The following PRKG1 variants were observed in gnomAD, a reference collection of about 807,000 sequenced individuals.
PRKG1 encodes protein kinase cGMP-dependent 1.
PRKG1 carries 35 observed loss-of-function variants against 88.1 expected under a neutral mutation model. The observed-to-expected ratio is 0.40, with a 90% confidence interval of 0.30 to 0.53. The LOEUF is 0.53. Ranked by LOEUF, PRKG1 falls within the 20% of genes least tolerant of loss-of-function variation. The pLI is 0.59. For synonymous variants in PRKG1, 303 were observed against 292.5 expected (o/e 1.04, Z -0.37); for missense variants, 540 against 839.8 (o/e 0.64, Z 4.41).
At chr10:51,478,395 C>T (rs867179520) in intron 3 of PRKG1, among the ~76,000 whole-genome samples, 1 of 152,022 alleles carries the variant, frequency 6.6e-6, no homozygotes, top group Non-Finnish European at 1.5e-5. Flanking sequence ...CTGGGTAAAG[C>T]TGCTGGTGAT....
chr10:52,156,364 T>C (rs561175057), intron 8 of PRKG1, among the ~76,000 whole-genome samples: 2 of 152,102 alleles, frequency 1.3e-5, no homozygotes, highest in Admixed American at 1.3e-4. Flanking sequence ...ATTATAAGTC[T>C]TTGTGTCTTA....
intron 3 of PRKG1, among the ~76,000 whole-genome samples, chr10:51,471,945 A>G (rs1840059793): frequency 6.6e-6 from 1 of 151,946 alleles, no homozygotes; most frequent in Admixed American, 6.6e-5. Flanking sequence ...TATCTGACTA[A>G]TTATTTCTCC....
intron 1 of PRKG1, among the ~76,000 whole-genome samples, chr10:51,122,896 A>G (rs564358551): frequency 6.6e-6 from 1 of 152,320 alleles, no homozygotes; most frequent in East Asian, 1.9e-4. Context: ...ACTAGGTTCA[A>G]TTTTAGGCTT....
chr10:51,437,177 T>C (rs1564494438), intron 2 of PRKG1, among the ~76,000 whole-genome samples: 1 of 152,030 alleles, frequency 6.6e-6, no homozygotes, highest in Admixed American at 6.6e-5. Context: ...AATGTAGTAG[T>C]GTGATGAGAA....
At chr10:52,101,655 G>A (rs1004180925) in intron 7 of PRKG1, among the ~76,000 whole-genome samples, 1 of 152,090 alleles carries the variant, frequency 6.6e-6, no homozygotes, top group Non-Finnish European at 1.5e-5. Context: ...AACCCTATGA[G>A]GTAGATGGTT....
In PRKG1 at chr10:51,697,954, G is replaced by A. The variant is rs772270141; in HGVS notation, c.593-106631G>A. The A allele has an allele frequency of 1.9e-6, 3 of 1,598,774 alleles. No homozygotes were observed. In the Admixed American group the frequency reaches 5.3e-5, roughly 28 times the overall value. ...CTCCTTGTATACTGACTCCTTGTATGCCTGCCCCCTGCATCCCTCCTCCTT... is the reference window on the plus strand; with the variant it reads ...CTCCTTGTATACTGACTCCTTGTATACCTGCCCCCTGCATCCCTCCTCCTT... On this transcript the variant is annotated intron_variant, in intron 3 of 17. Transcript: ENST00000373980.
At chr10:51,337,643 G>GA (rs1292204730) in intron 2 of PRKG1, among the ~76,000 whole-genome samples, 2 of 152,016 alleles carry the variant, frequency 1.3e-5, no homozygotes, top group African/African-American at 2.4e-5. Flanking sequence ...ACAAACATAT[G>GA]AAAAAAAGCT....
chr10:51,546,291 TTC>T (rs1158602748), intron 3 of PRKG1, among the ~76,000 whole-genome samples: 2 of 152,098 alleles, frequency 1.3e-5, no homozygotes, highest in East Asian at 3.9e-4. Context: ...TTAATTTTTT[TTC>T]TGAGTGACTA....
chr10:52,148,766 G>A (rs889861708), intron 8 of PRKG1, among the ~76,000 whole-genome samples: 2 of 152,020 alleles, frequency 1.3e-5, no homozygotes, highest in Non-Finnish European at 2.9e-5. Context: ...GATGGGACCT[G>A]GAAAGAGACC....
At chr10:51,391,298 C>A (rs994776976) in intron 2 of PRKG1, among the ~76,000 whole-genome samples, 4 of 152,134 alleles carry the variant, frequency 2.6e-5, no homozygotes, top group Non-Finnish European at 2.9e-5. Context: ...CAAAAGAATT[C>A]ACATATTGTG....
intron 3 of PRKG1, among the ~76,000 whole-genome samples, chr10:51,795,848 T>C (rs1838997134): frequency 6.6e-6 from 1 of 152,110 alleles, no homozygotes. Flanking sequence ...TCTGGTCTAT[T>C]TAGAAAAAGT....
chr10:52,076,417 C>G (rs1294282456), intron 7 of PRKG1, among the ~76,000 whole-genome samples: 1 of 152,148 alleles, frequency 6.6e-6, no homozygotes, highest in African/African-American at 2.4e-5. Context: ...ATTAGTTGGG[C>G]ATGGTGGTGT....
chr10:51,281,676 G>A (rs1303431357), intron 2 of PRKG1, among the ~76,000 whole-genome samples: 1 of 152,192 alleles, frequency 6.6e-6, no homozygotes, highest in Non-Finnish European at 1.5e-5. Context: ...AGACTTAAGT[G>A]TCCCTGTCTG....
At chr10:52,031,989 A>AGG (rs1171260534) in intron 5 of PRKG1, among the ~76,000 whole-genome samples, 1 of 151,804 alleles carries the variant, frequency 6.6e-6, no homozygotes. Flanking sequence ...GTAGAGGGAG[A>AGG]GGGGGTATTT....
intron 8 of PRKG1, among the ~76,000 whole-genome samples, chr10:52,159,726 A>C (rs1838229293): frequency 6.6e-6 from 1 of 151,832 alleles, no homozygotes; most frequent in Non-Finnish European, 1.5e-5. Flanking sequence ...TATCCTGTTT[A>C]AAGTGTCCTT....
At chr10:51,935,696 T>C (rs181213180) in intron 5 of PRKG1, among the ~76,000 whole-genome samples, 1 of 152,250 alleles carries the variant, frequency 6.6e-6, no homozygotes, top group East Asian at 1.9e-4. Context: ...TCATAATTTC[T>C]TCCTCAAAAC....
At chr10:51,444,165 T>C (rs1839203380) in intron 2 of PRKG1, among the ~76,000 whole-genome samples, 1 of 151,156 alleles carries the variant, frequency 6.6e-6, no homozygotes, top group East Asian at 1.9e-4. Context: ...TATATTACAG[T>C]AACTAGAAAT....
At chr10:51,786,024 G>A (rs1489192406) in intron 3 of PRKG1, among the ~76,000 whole-genome samples, 2 of 152,114 alleles carry the variant, frequency 1.3e-5, no homozygotes, top group East Asian at 3.9e-4. Context: ...GGTGGCATTA[G>A]TTATGCCCAA....
At chr10:51,594,859 C>T (rs570663230) in intron 3 of PRKG1, among the ~76,000 whole-genome samples, 2 of 152,166 alleles carry the variant, frequency 1.3e-5, no homozygotes, top group Non-Finnish European at 2.9e-5. Context: ...AACTACAGGA[C>T]TGCCTTGGTC....
Sources: gnomAD v4.1 joint callset for allele counts (sites outside exome capture counted in the v4.1 genomes callset) on GRCh38, gnomAD v4.1.1 for gene constraint, MANE v1.5 for transcripts, NCBI Gene and HGNC (gene_info 2026-07-23, HGNC 2026-07-21) for gene names.